Variants in PDIA6 observed in about 807,000 individuals in gnomAD.
PDIA6 encodes protein disulfide isomerase family A member 6.
PDIA6 carries 29 observed loss-of-function variants against 58.4 expected under a neutral mutation model. That is an observed-to-expected ratio of 0.50 (90% CI 0.37 to 0.68). The LOEUF (loss-of-function observed/expected upper bound fraction) is 0.68, where lower values mean the gene tolerates loss of function less well. Among genes scored for constraint, PDIA6 ranks in the 30% least tolerant of loss-of-function variants. The pLI is 0.00. For missense variants in PDIA6, 480 were observed against 551.0 expected (o/e 0.87, Z 1.29); for synonymous variants, 192 against 202.6 (o/e 0.95, Z 0.44).
intron 1 of PDIA6, chr2:10,837,506 C>T (rs1295290183): frequency 1.4e-5 from 10 of 706,122 alleles, no homozygotes; most frequent in Admixed American, 4.0e-5. Context: ...TTAAGGAGCA[C>T]TTATGCAGCA....
At position 10,802,686 on chromosome 2, in the gene PDIA6, T is replaced by G. The variant is rs1226104387; in HGVS notation, c.20-46A>C. The G allele has an allele frequency of 2.2e-6, 3 of 1,341,666 alleles. No homozygotes were observed. The African/African-American group carries it at 4.5e-5, about 20-fold the overall frequency. 83.1% of individuals were successfully genotyped at this position (1,341,666 alleles called of 1,614,324 possible). On this transcript the variant is annotated intron_variant, in intron 1 of 12. Coordinates refer to ENST00000272227, the MANE Select transcript of PDIA6 (RefSeq NM_005742.4). ...GCACCATTAACAGCACTGTTCATGC[T>G]TTGACTGGAAACCCTGGGGAACCAG... is the stretch of plus-strand genomic sequence containing the variant.
intron 4 of PDIA6, among the ~76,000 whole-genome samples, chr2:10,795,561 G>T (rs1666232674): frequency 6.6e-6 from 1 of 152,156 alleles, no homozygotes; most frequent in Non-Finnish European, 1.5e-5. Context: ...CCAAGTATTT[G>T]TCTCATATGC....
chr2:10,811,006 T>C (rs1442335395), intron 1 of PDIA6, among the ~76,000 whole-genome samples: 1 of 152,162 alleles, frequency 6.6e-6, no homozygotes, highest in Non-Finnish European at 1.5e-5. Context: ...TTCACATCAG[T>C]AACATCTCTG....
At chr2:10,815,981 C>T (rs1305237174), upstream of PDIA6, among the ~76,000 whole-genome samples, 1 of 152,088 alleles carries the variant, frequency 6.6e-6, no homozygotes, top group Admixed American at 6.6e-5. Flanking sequence ...GTAACTCCCC[C>T]TTCCCTGCTG....
chr2:10,824,375 A>G (rs1160570276), intron 1 of PDIA6, among the ~76,000 whole-genome samples: 1 of 152,116 alleles, frequency 6.6e-6, no homozygotes, highest in Non-Finnish European at 1.5e-5. Context: ...GCCCCTCCCC[A>G]TTGTGTAGCA....
In PDIA6 at chr2:10,784,202, G is replaced by GA. The variant is rs1039753738; in HGVS notation, c.*55dup. 8 of 1,434,798 alleles carry GA rather than the reference G, an allele frequency of 5.6e-6. No individual in the cohort carries two copies. In the African/African-American group the frequency reaches 1.1e-4, roughly 20 times the overall value. The allele number at this position is 1,434,798 out of a possible 1,614,324, so 88.9% of individuals were successfully genotyped here. A position where few individuals can be genotyped will look rare whatever the true frequency, so the allele number is the denominator to read the frequency against. ...TGTAGAGAATGTCCCTTCACTGCTG[G>GA]AAAAATCCACTGGCTCCCAAGAAAA... On this transcript the variant is annotated 3_prime_UTR_variant, in exon 13 of 13. Coordinates refer to ENST00000272227, the MANE Select transcript of PDIA6 (RefSeq NM_005742.4).
upstream of PDIA6, among the ~76,000 whole-genome samples, chr2:10,834,974 G>A (rs1667798795): frequency 6.6e-6 from 1 of 151,992 alleles, no homozygotes; most frequent in Non-Finnish European, 1.5e-5. Flanking sequence ...CACCATGTTG[G>A]CCAGGCTGGT....
Position 10,794,468 on chromosome 2 carries a change from CTTTTT to C in PDIA6, c.347-1271_347-1267del, listed in dbSNP as rs76574229. Reference sequence around the variant, plus strand: ...GTCAAGAAAAAAAAAAAAAATCTTTCTTTTTTTTTTTTTTTTTTTTTAGAGTTTTC... The same window carrying C: ...GTCAAGAAAAAAAAAAAAAATCTTTCTTTTTTTTTTTTTTTTAGAGTTTTC... On this transcript the variant is annotated intron_variant, in intron 4 of 12. Transcript: ENST00000272227. Among the ~76,000 whole-genome samples, 135 of 128,732 alleles carry C rather than the reference CTTTTT, an allele frequency of 1.0e-3. 3 individuals carry two copies. Among genetic ancestry groups the C allele is most frequent in the Middle Eastern group, 8.0e-3 (2 of 250 alleles). 84.5% of individuals were successfully genotyped at this position (128,732 alleles called of 152,430 possible). A position where few individuals can be genotyped will look rare whatever the true frequency, so the allele number is the denominator to read the frequency against.
rs1283823871 is a variant in PDIA6, at chr2:10,806,649, A to AGAAAGAAAGAAAGAAAGAAAG, written c.20-4010_20-4009insCTTTCTTTCTTTCTTTCTTTC. On this transcript the variant is annotated intron_variant, in intron 1 of 12. Transcript: ENST00000272227. ...AAGACAGAAAGAAAGAAAGAAAGAA[A>AGAAAGAAAGAAAGAAAGAAAG]AACGTTACAGTAAATTAAGGTTAAT... Among the ~76,000 whole-genome samples, 13 of 134,254 alleles carry AGAAAGAAAGAAAGAAAGAAAG rather than the reference A, an allele frequency of 9.7e-5. 1 individual carries two copies. Among genetic ancestry groups the AGAAAGAAAGAAAGAAAGAAAG allele is most frequent in the Admixed American group, 1.5e-4 (2 of 13,192 alleles). 88.1% of individuals were successfully genotyped at this position (134,254 alleles called of 152,430 possible).
intron 1 of PDIA6, among the ~76,000 whole-genome samples, chr2:10,823,624 CT>C (rs1421542108): frequency 1.3e-5 from 2 of 152,254 alleles, no homozygotes; most frequent in Admixed American, 1.3e-4. Context: ...ATTTTTCCCA[CT>C]TTCTCACAAT....
At chr2:10,812,514 G>A (rs1388337683) in intron 1 of PDIA6, among the ~76,000 whole-genome samples, 164 bp downstream of exon 1, 4 of 151,632 alleles carry the variant, frequency 2.6e-5, no homozygotes, top group Non-Finnish European at 4.4e-5. Flanking sequence ...CACCTCCGCC[G>A]GGGCAACCTA....
upstream of PDIA6, among the ~76,000 whole-genome samples, chr2:10,835,842 G>C (rs1667821237): frequency 6.6e-6 from 1 of 152,190 alleles, no homozygotes; most frequent in Non-Finnish European, 1.5e-5. Flanking sequence ...TTTGAGGTCA[G>C]GAGTTCGAGA....
chr2:10,837,438 G>A, upstream of PDIA6: 1 of 650,966 alleles, frequency 1.5e-6, no homozygotes, highest in Non-Finnish European at 2.8e-6. Context: ...AAAATGAGGG[G>A]GAGAAAAAAA....
rs116949593 is a variant in PDIA6, at chr2:10,810,404, A to G, written c.19+2274T>C. 771 of 1,458,126 alleles carry G rather than the reference A, an allele frequency of 5.3e-4. 21 individuals are homozygous for G. In the East Asian group the frequency reaches 0.019, roughly 35 times the overall value. The allele number at this position is 1,458,126 out of a possible 1,614,324, so 90.3% of individuals were successfully genotyped here. On this transcript the variant is annotated intron_variant, in intron 1 of 12. Coordinates refer to ENST00000272227, the MANE Select transcript of PDIA6 (RefSeq NM_005742.4). The stretch of plus-strand genomic sequence containing the variant: ...CAATAACGTCAGTCCTCTCCTCTTC[A>G]TGCTGTTACAAGCAGGCTGCAGTCA...
intron 1 of PDIA6, among the ~76,000 whole-genome samples, chr2:10,809,810 GAGTA>G (rs1558454738): frequency 6.6e-6 from 1 of 152,110 alleles, no homozygotes; most frequent in Non-Finnish European, 1.5e-5. Flanking sequence ...AAAAGCAAAA[GAGTA>G]AGTTACAGAT....
rs184134974 is a variant in PDIA6 at position 10,791,958 on chromosome 2, G to A, written c.454-33C>T. ...TTATGACATTAAACATCAAACAATT[G>A]GGCCAAGAAGAACACTTTTCCTGTT... On this transcript the variant is annotated intron_variant, in intron 5 of 12. Coordinates refer to ENST00000272227, the MANE Select transcript of PDIA6 (RefSeq NM_005742.4). 1.7e-5 allele frequency: 28 copies of A among 1,600,276 alleles called. No individual in the cohort carries two copies. In the African/African-American group the frequency reaches 3.4e-4, roughly 19 times the overall value.
upstream of PDIA6, among the ~76,000 whole-genome samples, chr2:10,813,871 C>T (rs1261016440): frequency 1.3e-5 from 2 of 151,390 alleles, no homozygotes; most frequent in African/African-American, 2.4e-5. Context: ...ATGACAGGTG[C>T]ATGTCACCAC....
chr2:10,798,673 T>G (rs1335498705), intron 2 of PDIA6, among the ~76,000 whole-genome samples: 2 of 152,126 alleles, frequency 1.3e-5, no homozygotes, highest in African/African-American at 4.8e-5. Flanking sequence ...TTAGAATCTA[T>G]CTGGTCCAAT....
intron 1 of PDIA6, among the ~76,000 whole-genome samples, chr2:10,830,066 T>C (rs1460080896): frequency 2.0e-5 from 3 of 152,126 alleles, no homozygotes; most frequent in East Asian, 3.8e-4. Flanking sequence ...CCTTAAGCCA[T>C]GGCAGCCCTT....
Sources: gnomAD v4.1 joint callset for allele counts (sites outside exome capture counted in the v4.1 genomes callset) on GRCh38, gnomAD v4.1.1 for gene constraint, MANE v1.5 for transcripts, NCBI Gene and HGNC (gene_info 2026-07-23, HGNC 2026-07-21) for gene names.